PLCB1: variants seen among roughly 807,000 people sequenced by gnomAD.
PLCB1 encodes the protein phospholipase C beta 1, also known as 1-phosphatidylinositol 4,5-bisphosphate phosphodiesterase beta-1.
Under a neutral mutation model 161.8 loss-of-function variants are expected in PLCB1, and 46 were observed. The ratio of observed to expected loss-of-function variants is 0.28; its 90% CI spans 0.22 to 0.36. The LOEUF is 0.36. Ranked by LOEUF, PLCB1 falls within the 10% of genes least tolerant of loss-of-function variation. The pLI is 1.00. For missense variants in PLCB1, 1,016 were observed against 1,472.5 expected (o/e 0.69, Z 5.07); for synonymous variants, 517 against 503.7 (o/e 1.03, Z -0.35).
intron 3 of PLCB1, among the ~76,000 whole-genome samples, chr20:8,421,145 C>T (rs1600389412): frequency 6.6e-6 from 1 of 152,094 alleles, no homozygotes; most frequent in Admixed American, 6.6e-5. Flanking sequence ...AGAACCTGAT[C>T]GTTATTTGTG....
chr20:8,630,010 CTCTTTCTTCT>C (rs1988530486), intron 4 of PLCB1, among the ~76,000 whole-genome samples: 2 of 60,630 alleles, frequency 3.3e-5, no homozygotes, highest in South Asian at 9.1e-4. Context: ...TTCTTTCTTT[CTCTTTCTTCT>C]TTCCTTTCTT....
At chr20:8,862,680 A>C (rs918529677) in intron 31 of PLCB1, among the ~76,000 whole-genome samples, 14 of 152,214 alleles carry the variant, frequency 9.2e-5, no homozygotes, top group African/African-American at 3.4e-4. Context: ...TTTCATAAAC[A>C]AGTCAAATAA....
At chr20:8,317,386 C>T (rs1984706758) in intron 2 of PLCB1, among the ~76,000 whole-genome samples, 1 of 152,042 alleles carries the variant, frequency 6.6e-6, no homozygotes, top group Non-Finnish European at 1.5e-5. Context: ...CAACATCCAC[C>T]ATCATAGATT....
chr20:8,379,038 G>T (rs1275043874), intron 3 of PLCB1, among the ~76,000 whole-genome samples: 1 of 151,854 alleles, frequency 6.6e-6, no homozygotes, highest in Non-Finnish European at 1.5e-5. Context: ...TGTTACATAG[G>T]TATACGCATG....
intron 31 of PLCB1, among the ~76,000 whole-genome samples, chr20:8,856,689 T>C (rs6039306): frequency 0.29 from 44,582 of 152,076 alleles, 6,730 homozygotes; most frequent in Middle Eastern, 0.41. Context: ...TATGAAGAGT[T>C]AGAAAATATG....
At chr20:8,412,288 G>A (rs1020348220) in intron 3 of PLCB1, among the ~76,000 whole-genome samples, 1 of 152,184 alleles carries the variant, frequency 6.6e-6, no homozygotes, top group African/African-American at 2.4e-5. Flanking sequence ...CAGATAGCCA[G>A]GATCCAGTTA....
At chr20:8,384,841 G>T (rs1987375067) in intron 3 of PLCB1, among the ~76,000 whole-genome samples, 1 of 152,084 alleles carries the variant, frequency 6.6e-6, no homozygotes, top group Admixed American at 6.5e-5. Flanking sequence ...CATCTGGTTT[G>T]CTCTCGCACC....
intron 2 of PLCB1, among the ~76,000 whole-genome samples, chr20:8,332,130 A>G (rs1985388264): frequency 1.3e-5 from 2 of 152,146 alleles, no homozygotes; most frequent in Non-Finnish European, 2.9e-5. Context: ...CCTTGCTCCC[A>G]TCTTTCATAA....
At chr20:8,595,734 C>T (rs1425883566) in intron 3 of PLCB1, among the ~76,000 whole-genome samples, 2 of 149,652 alleles carry the variant, frequency 1.3e-5, no homozygotes, top group African/African-American at 4.9e-5. Context: ...AAAAGTGTTC[C>T]TATTTCTCCA....
chr20:8,731,857 TTA>T (rs1266366258), intron 18 of PLCB1, among the ~76,000 whole-genome samples: 1 of 149,234 alleles, frequency 6.7e-6, no homozygotes, highest in Non-Finnish European at 1.5e-5. Flanking sequence ...GACATCATAG[TTA>T]TGTTTATAAA....
intron 19 of PLCB1, among the ~76,000 whole-genome samples, chr20:8,736,422 C>G (rs1980588155): frequency 6.6e-6 from 1 of 152,258 alleles, no homozygotes; most frequent in Admixed American, 6.5e-5. Context: ...AAAGTGAATA[C>G]TTGTTCATTT....
chr20:8,695,347 C>G (rs1990561810), intron 10 of PLCB1, among the ~76,000 whole-genome samples: 1 of 152,154 alleles, frequency 6.6e-6, no homozygotes, highest in Non-Finnish European at 1.5e-5. Flanking sequence ...CACATCTTGT[C>G]CATGTCAAAG....
chr20:8,239,572 G>A (rs1207886837), intron 2 of PLCB1, among the ~76,000 whole-genome samples: 2 of 150,326 alleles, frequency 1.3e-5, no homozygotes, highest in East Asian at 3.9e-4. Flanking sequence ...TGTTCTCTTT[G>A]TGTTTCCTCT....
At chr20:8,213,084 A>G (rs1568592254) in intron 2 of PLCB1, among the ~76,000 whole-genome samples, 1 of 152,072 alleles carries the variant, frequency 6.6e-6, no homozygotes, top group Admixed American at 6.6e-5. Flanking sequence ...TCACAACTCT[A>G]TTGTCTCAAA....
intron 2 of PLCB1, among the ~76,000 whole-genome samples, chr20:8,327,294 A>T (rs920021553): frequency 6.6e-6 from 1 of 152,198 alleles, no homozygotes; most frequent in African/African-American, 2.4e-5. Context: ...GCCATATGCT[A>T]AAGTACTTGT....
intron 3 of PLCB1, among the ~76,000 whole-genome samples, chr20:8,627,789 C>T (rs144480203): frequency 2.6e-5 from 4 of 152,312 alleles, no homozygotes; most frequent in East Asian, 1.9e-4. Flanking sequence ...GCAGGCACTA[C>T]GATTTTGCTC....
chr20:8,424,534 A>C (rs1442385410), intron 3 of PLCB1, among the ~76,000 whole-genome samples: 1 of 152,230 alleles, frequency 6.6e-6, no homozygotes, highest in East Asian at 1.9e-4. Context: ...TCTTTTCACT[A>C]ACTCCCATGA....
intron 19 of PLCB1, among the ~76,000 whole-genome samples, chr20:8,734,186 TA>T (rs1980463271): frequency 3.9e-5 from 4 of 103,578 alleles, no homozygotes; most frequent in African/African-American, 1.0e-4. Context: ...ATGAATAAGA[TA>T]AAGCGACTGA....
At chr20:8,616,050 T>G (rs1288697620) in intron 3 of PLCB1, among the ~76,000 whole-genome samples, 2 of 152,284 alleles carry the variant, frequency 1.3e-5, no homozygotes, top group South Asian at 2.1e-4. Flanking sequence ...CCTCCATTTC[T>G]TCAACCCCAA....
Sources: allele counts gnomAD v4.1 joint callset (sites outside exome capture counted in the v4.1 genomes callset), GRCh38; gene constraint gnomAD v4.1.1; transcripts MANE v1.5; gene names NCBI Gene and HGNC (gene_info 2026-07-23, HGNC 2026-07-21).